SLIT3: variants seen among roughly 807,000 people sequenced by gnomAD.
SLIT3 encodes the protein slit homolog 3 protein.
Under a neutral mutation model 184.0 loss-of-function variants are expected in SLIT3, and 68 were observed. That is an observed-to-expected ratio of 0.37 (90% CI 0.30 to 0.45). The LOEUF is 0.45. SLIT3 is among the 20% of genes least tolerant of loss of function. The pLI, the probability that SLIT3 is intolerant of heterozygous loss-of-function variation, is 1.00. For synonymous variants in SLIT3, 831 were observed against 828.6 expected (o/e 1.00, Z -0.05); for missense variants, 1,707 against 2,026.0 (o/e 0.84, Z 3.02).
intron 3 of SLIT3, among the ~76,000 whole-genome samples, chr5:169,197,415 C>T (rs1191848116): frequency 1.3e-5 from 2 of 152,148 alleles, no homozygotes; most frequent in African/African-American, 4.8e-5. Flanking sequence ...ATGATGAAGG[C>T]TCCAAGCTGC....
chr5:169,079,302 C>T (rs967647047), intron 4 of SLIT3, among the ~76,000 whole-genome samples: 5 of 152,144 alleles, frequency 3.3e-5, no homozygotes, highest in Admixed American at 2.6e-4. Context: ...TTTCAGCTCT[C>T]TTTTGTTTTC....
At chr5:169,111,609 G>A (rs1226458003) in intron 4 of SLIT3, among the ~76,000 whole-genome samples, 4 of 152,026 alleles carry the variant, frequency 2.6e-5, no homozygotes, top group Non-Finnish European at 5.9e-5. Flanking sequence ...AAAATTAGCA[G>A]GGCATGGTGG....
At chr5:168,686,833 G>T in intron 30 of SLIT3, 146 bp downstream of exon 30, 1 of 844,662 alleles carries the variant, frequency 1.2e-6, no homozygotes, top group South Asian at 1.7e-5. Context: ...GGACTGCAAA[G>T]GTATCAGGGG....
intron 4 of SLIT3, among the ~76,000 whole-genome samples, chr5:169,162,486 A>G (rs1439653342): frequency 6.6e-6 from 1 of 152,182 alleles, no homozygotes; most frequent in Non-Finnish European, 1.5e-5. Flanking sequence ...AGGTCTTTGG[A>G]GTGAAAAGTG....
intron 4 of SLIT3, among the ~76,000 whole-genome samples, chr5:169,074,382 T>C (rs1758661292): frequency 6.6e-6 from 1 of 152,140 alleles, no homozygotes; most frequent in South Asian, 2.1e-4. Context: ...TCCTGAGTGA[T>C]ACAACTCAGG....
intron 11 of SLIT3, among the ~76,000 whole-genome samples, chr5:168,787,574 G>C (rs1756201531): frequency 6.6e-6 from 1 of 152,024 alleles, no homozygotes; most frequent in African/African-American, 2.4e-5. Context: ...CCCTATTTTA[G>C]TTTCTTCATA....
chr5:169,221,778 G>A (rs1268838380), intron 3 of SLIT3, among the ~76,000 whole-genome samples: 1 of 152,200 alleles, frequency 6.6e-6, no homozygotes. Context: ...CAATGCCAAT[G>A]CACAGAGTGG....
At chr5:168,845,720 C>T (rs1472072055) in intron 5 of SLIT3, among the ~76,000 whole-genome samples, 2 of 151,888 alleles carry the variant, frequency 1.3e-5, no homozygotes, top group Non-Finnish European at 2.9e-5. Flanking sequence ...ACATACATAA[C>T]CCACTTTATT....
At chr5:169,138,256 C>G (rs953483911) in intron 4 of SLIT3, among the ~76,000 whole-genome samples, 1 of 152,216 alleles carries the variant, frequency 6.6e-6, no homozygotes, top group Non-Finnish European at 1.5e-5. Context: ...ACTTATACCC[C>G]ACCCTGTCCT....
chr5:168,781,499 C>G (rs916115916), intron 12 of SLIT3, among the ~76,000 whole-genome samples: 1 of 152,186 alleles, frequency 6.6e-6, no homozygotes, highest in Non-Finnish European at 1.5e-5. Context: ...AAGAACGCAT[C>G]GCCAAGTCAG....
intron 8 of SLIT3, among the ~76,000 whole-genome samples, chr5:168,812,813 A>C (rs983927126): frequency 2.0e-4 from 31 of 152,216 alleles, no homozygotes; most frequent in African/African-American, 7.2e-4. Context: ...TGTTTTAATT[A>C]AAACCTCCTA....
chr5:168,976,150 G>T (rs559781469), intron 4 of SLIT3, among the ~76,000 whole-genome samples: 20 of 152,264 alleles, frequency 1.3e-4, no homozygotes, highest in African/African-American at 4.8e-4. Flanking sequence ...TATGAGGTAG[G>T]TGCTGTCATT....
chr5:168,835,352 T>A (rs557818143), intron 6 of SLIT3, among the ~76,000 whole-genome samples: 16 of 152,236 alleles, frequency 1.1e-4, no homozygotes, highest in Non-Finnish European at 1.6e-4. Context: ...CCGATTTAGT[T>A]ACAAGTTAAA....
At chr5:169,229,742 G>A (rs1255054703) in intron 3 of SLIT3, among the ~76,000 whole-genome samples, 1 of 152,026 alleles carries the variant, frequency 6.6e-6, no homozygotes, top group African/African-American at 2.4e-5. Flanking sequence ...AGTGATGGCT[G>A]TGCCGATCTC....
intron 32 of SLIT3, among the ~76,000 whole-genome samples, chr5:168,674,489 CTT>C (rs141548947): frequency 1.2e-4 from 14 of 119,892 alleles, no homozygotes; most frequent in East Asian, 2.5e-4. Context: ...GGGATATTCA[CTT>C]TTTTTTTTTT....
At chr5:169,110,537 G>T (rs946316706) in intron 4 of SLIT3, among the ~76,000 whole-genome samples, 3 of 152,028 alleles carry the variant, frequency 2.0e-5, no homozygotes, top group African/African-American at 2.4e-5. Context: ...TTTCATTTAT[G>T]CATGTCTGTC....
chr5:168,668,127 T>C (rs905306451), intron 35 of SLIT3, among the ~76,000 whole-genome samples: 5 of 152,190 alleles, frequency 3.3e-5, no homozygotes, highest in African/African-American at 9.7e-5. Flanking sequence ...TCAGTGTCCA[T>C]GCAGGAGAAA....
At chr5:168,907,969 TATATATATATAGAGAG>T (rs1187494234) in intron 4 of SLIT3, among the ~76,000 whole-genome samples, 1 of 76,710 alleles carries the variant, frequency 1.3e-5, no homozygotes, top group Non-Finnish European at 2.6e-5. Flanking sequence ...TATATATATA[TATATATATATAGAGAG>T]AGAGAGAGAG....
intron 4 of SLIT3, among the ~76,000 whole-genome samples, chr5:169,136,121 T>C (rs1405581478): frequency 6.6e-6 from 1 of 152,146 alleles, no homozygotes; most frequent in African/African-American, 2.4e-5. Flanking sequence ...AAATAGGAGC[T>C]AGACTGGACA....
Sources: gnomAD v4.1 joint callset for allele counts (sites outside exome capture counted in the v4.1 genomes callset) on GRCh38, gnomAD v4.1.1 for gene constraint, MANE v1.5 for transcripts, NCBI Gene and HGNC (gene_info 2026-07-23, HGNC 2026-07-21) for gene names.